Variants in PTPRD observed in about 807,000 individuals in gnomAD.
PTPRD encodes receptor-type tyrosine-protein phosphatase delta.
Under a neutral mutation model 214.5 loss-of-function variants are expected in PTPRD, and 34 were observed. That is an observed-to-expected ratio of 0.16 (90% CI 0.12 to 0.21). PTPRD has a LOEUF of 0.21. PTPRD is among the 10% of genes least tolerant of loss of function. The probability of loss-of-function intolerance (pLI) is 1.00; values close to 1 mark genes in which losing one functional copy is unlikely to be tolerated. For missense variants in PTPRD, 2,545 were observed against 2,398.7 expected (o/e 1.06, Z -1.27); for synonymous variants, 1,128 against 845.7 (o/e 1.33, Z -5.79).
At chr9:8,358,013 A>G (rs1389149155) in intron 39 of PTPRD, among the ~76,000 whole-genome samples, 1 of 152,122 alleles carries the variant, frequency 6.6e-6, no homozygotes, top group East Asian at 1.9e-4. Context: ...TTTTTAGTCT[A>G]TACATACAGA....
chr9:10,170,741 T>C (rs1034871716), intron 3 of PTPRD, among the ~76,000 whole-genome samples: 1 of 152,204 alleles, frequency 6.6e-6, no homozygotes, highest in Non-Finnish European at 1.5e-5. Flanking sequence ...ACAACCTGTA[T>C]TATTCCAAAT....
chr9:9,131,791 A>G (rs1340691606), intron 10 of PTPRD, among the ~76,000 whole-genome samples: 1 of 152,230 alleles, frequency 6.6e-6, no homozygotes, highest in African/African-American at 2.4e-5. Flanking sequence ...TGAGAGTTCG[A>G]TAATATGGAG....
chr9:10,272,644 A>G (rs539191235), intron 3 of PTPRD, among the ~76,000 whole-genome samples: 1 of 152,330 alleles, frequency 6.6e-6, no homozygotes, highest in East Asian at 1.9e-4. Flanking sequence ...ATAATTTAAT[A>G]TGACAATTTT....
intron 10 of PTPRD, among the ~76,000 whole-genome samples, chr9:9,138,562 C>T (rs1427725404): frequency 6.6e-6 from 1 of 152,098 alleles, no homozygotes; most frequent in Middle Eastern, 3.4e-3. Flanking sequence ...TTAATAAATG[C>T]CTTAACTTTT....
At chr9:10,552,062 G>A (rs767762998) in intron 2 of PTPRD, among the ~76,000 whole-genome samples, 5 of 152,060 alleles carry the variant, frequency 3.3e-5, no homozygotes, top group Non-Finnish European at 7.4e-5. Context: ...ATTTTCAAAG[G>A]ATTCATGTTA....
At chr9:9,797,071 C>T (rs983039575) in intron 5 of PTPRD, among the ~76,000 whole-genome samples, 5 of 151,946 alleles carry the variant, frequency 3.3e-5, no homozygotes, top group Admixed American at 3.3e-4. Flanking sequence ...ACAGTGGTCA[C>T]ACACTGTACT....
intron 11 of PTPRD, among the ~76,000 whole-genome samples, chr9:8,791,651 C>G (rs2096242621): frequency 6.7e-6 from 1 of 150,074 alleles, no homozygotes; most frequent in South Asian, 2.1e-4. Flanking sequence ...GAGAGAAATC[C>G]AAAGGAATTT....
At chr9:9,586,313 T>C (rs1056039867) in intron 7 of PTPRD, among the ~76,000 whole-genome samples, 1 of 152,026 alleles carries the variant, frequency 6.6e-6, no homozygotes, top group African/African-American at 2.4e-5. Context: ...AAGAGTATAA[T>C]GTTTGACAGT....
At chr9:9,275,199 T>TTA (rs1188297359) in intron 9 of PTPRD, among the ~76,000 whole-genome samples, 37 of 10,396 alleles carry the variant, frequency 3.6e-3, no homozygotes, top group South Asian at 9.9e-3. Context: ...TATATATATA[T>TTA]TATATATATA....
chr9:8,632,924 C>T (rs891749858), intron 14 of PTPRD, among the ~76,000 whole-genome samples: 5 of 151,852 alleles, frequency 3.3e-5, no homozygotes, highest in Admixed American at 2.0e-4. Flanking sequence ...TTCTTTAATT[C>T]TGCAAATATC....
At position 8,806,351 on chromosome 9, in the gene PTPRD, A is replaced by G. The variant is rs562607644; in HGVS notation, c.-103-72405T>C. On this transcript the variant is annotated intron_variant, in intron 11 of 45. Transcript: ENST00000381196. ...CAAAGAGTTATAAAATGCTGACATC[A>G]CCAGTAAATTGATTTCAAAATTCAA... is the stretch of plus-strand genomic sequence containing the variant. Among the ~76,000 whole-genome samples, 488 of 152,198 alleles carry G rather than the reference A, an allele frequency of 3.2e-3. 6 individuals carry two copies. Among genetic ancestry groups the G allele is most frequent in the African/African-American group, 0.011 (467 of 41,532 alleles).
At chr9:10,580,423 C>A (rs755045664) in intron 2 of PTPRD, among the ~76,000 whole-genome samples, 4 of 152,166 alleles carry the variant, frequency 2.6e-5, no homozygotes, top group Non-Finnish European at 5.9e-5. Context: ...TGCCTAGGCA[C>A]ATATGTGAAT....
intron 2 of PTPRD, among the ~76,000 whole-genome samples, chr9:10,534,999 T>G (rs1021473124): frequency 1.3e-5 from 2 of 152,144 alleles, no homozygotes; most frequent in Non-Finnish European, 2.9e-5. Flanking sequence ...CTGTAAAACC[T>G]TGAAATGGAT....
At chr9:10,341,522 G>C (rs1239793030) in intron 2 of PTPRD, among the ~76,000 whole-genome samples, 2 of 151,910 alleles carry the variant, frequency 1.3e-5, no homozygotes, top group Non-Finnish European at 2.9e-5. Flanking sequence ...AAATTCATAT[G>C]GATGAGTTAT....
chr9:8,910,864 T>A (rs962544424), intron 11 of PTPRD, among the ~76,000 whole-genome samples: 1 of 152,184 alleles, frequency 6.6e-6, no homozygotes, highest in Non-Finnish European at 1.5e-5. Flanking sequence ...CATAATAGGA[T>A]AAAAACACTC....
At chr9:9,674,173 A>T (rs1378983463) in intron 7 of PTPRD, among the ~76,000 whole-genome samples, 1 of 151,870 alleles carries the variant, frequency 6.6e-6, no homozygotes, top group Non-Finnish European at 1.5e-5. Context: ...GTAAAAACTA[A>T]AATATAAACA....
In PTPRD at chr9:8,317,182, A is replaced by T. The variant is rs1051068936; in HGVS notation, c.*692T>A. The T allele has an allele frequency of 4.3e-6, 1 of 231,962 alleles. No homozygotes were observed. The highest frequency in any genetic ancestry group is 2.2e-5 in the African/African-American group (1 of 45,254). The allele number at this position is 231,962 out of a possible 1,614,324, so 14.4% of individuals were successfully genotyped here. A position where few individuals can be genotyped will look rare whatever the true frequency, so the allele number is the denominator to read the frequency against. On this transcript the variant is annotated 3_prime_UTR_variant, in exon 46 of 46. Transcript: ENST00000381196. ...AATGTGCAAATTTTCAAATGATTTGATATTTCTACAGCAAGATATTACAGA... is the reference window on the plus strand; with the variant it reads ...AATGTGCAAATTTTCAAATGATTTGTTATTTCTACAGCAAGATATTACAGA...
chr9:9,678,001 T>C (rs1386580569), intron 7 of PTPRD, among the ~76,000 whole-genome samples: 14 of 151,884 alleles, frequency 9.2e-5, no homozygotes, highest in Non-Finnish European at 2.1e-4. Flanking sequence ...ACCTAGGAAT[T>C]CAACTTACAA....
intron 9 of PTPRD, among the ~76,000 whole-genome samples, chr9:9,364,237 T>A (rs2057201148): frequency 6.6e-6 from 1 of 151,386 alleles, no homozygotes; most frequent in African/African-American, 2.4e-5. Flanking sequence ...GCACATAAAG[T>A]CTGTGTAGAA....
Sources: gnomAD v4.1 joint callset for allele counts (sites outside exome capture counted in the v4.1 genomes callset) on GRCh38, gnomAD v4.1.1 for gene constraint, MANE v1.5 for transcripts, NCBI Gene and HGNC (gene_info 2026-07-23, HGNC 2026-07-21) for gene names.